The following ESR1 variants were observed in gnomAD, a reference collection of about 807,000 sequenced individuals.
The protein encoded by ESR1 is estrogen receptor 1.
ESR1 carries 12 observed loss-of-function variants against 52.7 expected under a neutral mutation model. The observed-to-expected ratio is 0.23, with a 90% CI of 0.15 to 0.37. The LOEUF is 0.37. ESR1 is among the 10% of genes least tolerant of loss of function. The pLI, the probability that ESR1 is intolerant of heterozygous loss-of-function variation, is 1.00. For missense variants in ESR1, 584 were observed against 779.7 expected (o/e 0.75, Z 2.99); for synonymous variants, 305 against 316.8 (o/e 0.96, Z 0.39).
chr6:152,127,551 G>C (rs1055518505), exon 7 of ESR1: 1 of 152,148 alleles, frequency 6.6e-6, no homozygotes. Context: ...TTTATTAATA[G>C]TGCTTTCAAG....
At chr6:151,789,492 A>G (rs1313589677) in intron 2 of ESR1, among the ~76,000 whole-genome samples, 1 of 152,208 alleles carries the variant, frequency 6.6e-6, no homozygotes, top group East Asian at 1.9e-4. Flanking sequence ...TAAATATTGA[A>G]GGCATTGTTG....
At chr6:151,838,545 ATG>A (rs1783766260) in intron 1 of ESR1, among the ~76,000 whole-genome samples, 2 of 152,164 alleles carry the variant, frequency 1.3e-5, no homozygotes, top group East Asian at 3.9e-4. Context: ...AGAGGAAGTT[ATG>A]TTATCTTGAT....
intron 1 of ESR1, among the ~76,000 whole-genome samples, chr6:151,672,317 C>T (rs774706669): frequency 8.0e-5 from 12 of 149,410 alleles, no homozygotes; most frequent in Non-Finnish European, 1.6e-4. Context: ...CACCACCATG[C>T]CAGGCTAATT....
At chr6:151,825,237 C>T (rs1388400206) in intron 1 of ESR1, among the ~76,000 whole-genome samples, 2 of 152,082 alleles carry the variant, frequency 1.3e-5, no homozygotes, top group African/African-American at 2.4e-5. Context: ...AGAGCTTGAT[C>T]GTGACTCTGG....
chr6:152,122,670 T>A, intron 6 of ESR1: 1 of 1,613,920 alleles, frequency 6.2e-7, no homozygotes, highest in South Asian at 1.1e-5. Context: ...AGCCACCTTT[T>A]GTGGACCTGA....
chr6:152,093,315 C>G (rs1392349098), intron 6 of ESR1, among the ~76,000 whole-genome samples: 3 of 149,314 alleles, frequency 2.0e-5, no homozygotes, highest in Admixed American at 6.6e-5. Flanking sequence ...CTTGTGACTA[C>G]TACCTACTAC....
intron 4 of ESR1, among the ~76,000 whole-genome samples, chr6:151,963,802 T>C (rs1474803935): frequency 6.6e-6 from 1 of 152,242 alleles, no homozygotes; most frequent in Non-Finnish European, 1.5e-5. Flanking sequence ...GGTATTTATA[T>C]AGTTTCAGTG....
intron 1 of ESR1, among the ~76,000 whole-genome samples, chr6:151,828,880 A>G (rs886465447): frequency 1.3e-5 from 2 of 152,336 alleles, no homozygotes; most frequent in Admixed American, 6.5e-5. Context: ...AAAGTAAGCA[A>G]GACTGTTTTC....
intron 3 of ESR1, among the ~76,000 whole-genome samples, chr6:151,907,159 C>A (rs1197073714): frequency 6.6e-6 from 1 of 151,972 alleles, no homozygotes; most frequent in African/African-American, 2.4e-5. Context: ...ATTACTTTGA[C>A]TTTATAATCC....
chr6:151,750,819 GT>G (rs1783847087), intron 2 of ESR1, among the ~76,000 whole-genome samples: 1 of 151,942 alleles, frequency 6.6e-6, no homozygotes, highest in African/African-American at 2.4e-5. Context: ...AAAAAATCAC[GT>G]TCTCACAAAT....
chr6:151,948,738 G>A (rs2035991973), intron 4 of ESR1, among the ~76,000 whole-genome samples: 1 of 151,996 alleles, frequency 6.6e-6, no homozygotes, highest in African/African-American at 2.4e-5. Flanking sequence ...TCCTCTTTCT[G>A]GACATGTCTC....
chr6:152,051,887 C>T (rs1221518206), intron 5 of ESR1, among the ~76,000 whole-genome samples: 1 of 152,166 alleles, frequency 6.6e-6, no homozygotes, highest in Non-Finnish European at 1.5e-5. Flanking sequence ...TTGAGAAAGA[C>T]ACATTGCTGT....
rs1198020981 is a variant in ESR1, at chr6:151,983,010, A to G, written c.1097-28646A>G. On this transcript the variant is annotated intron_variant, in intron 4 of 7. Transcript: ENST00000206249. ...TGAAAGTGTTTCTGATAACTGAGTT[A>G]TCAACTTAAAAATGTAAGTTAATGA... Among the ~76,000 whole-genome samples the G allele has an allele frequency of 2.6e-5, 4 of 152,202 alleles. No individual in the cohort carries two copies. In the East Asian group the frequency reaches 5.8e-4, roughly 22 times the overall value.
At chr6:151,666,790 T>C (rs1777842872) in intron 1 of ESR1, among the ~76,000 whole-genome samples, 1 of 142,846 alleles carries the variant, frequency 7.0e-6, no homozygotes, top group South Asian at 2.3e-4. Context: ...AATGAAGGCA[T>C]GCATGAATGC....
intron 3 of ESR1, among the ~76,000 whole-genome samples, chr6:151,916,702 A>G (rs2030299219): frequency 6.6e-6 from 1 of 152,164 alleles, no homozygotes; most frequent in African/African-American, 2.4e-5. Flanking sequence ...TTTAGGAAAC[A>G]GTCATGCTTG....
intron 2 of ESR1, among the ~76,000 whole-genome samples, chr6:151,744,081 A>T (rs772510030): frequency 8.6e-5 from 13 of 151,908 alleles, no homozygotes; most frequent in Non-Finnish European, 1.8e-4. Flanking sequence ...ATGTGTCAGC[A>T]CCTCATTTCT....
At chr6:152,060,909 G>A (rs2128956977) in intron 5 of ESR1, 82 bp from the exon 6 acceptor site, 3 of 1,145,820 alleles carry the variant, frequency 2.6e-6, no homozygotes, top group South Asian at 1.4e-5. Flanking sequence ...TTTTATGAAT[G>A]TGAACCCTTT....
At chr6:152,072,081 CCCG>C (rs1372397622) in intron 6 of ESR1, among the ~76,000 whole-genome samples, 1 of 142,258 alleles carries the variant, frequency 7.0e-6, no homozygotes, top group East Asian at 2.3e-4. Flanking sequence ...AGACGGCTTC[CCCG>C]CTGCTCAGCC....
chr6:151,670,827 G>C (rs1778030503), intron 1 of ESR1, among the ~76,000 whole-genome samples: 1 of 142,392 alleles, frequency 7.0e-6, no homozygotes, highest in South Asian at 2.3e-4. Flanking sequence ...GGAGTGCAGT[G>C]GCGCAATCTC....
Sources: allele counts gnomAD v4.1 joint callset (sites outside exome capture counted in the v4.1 genomes callset), GRCh38; gene constraint gnomAD v4.1.1; transcripts MANE v1.5; gene names NCBI Gene and HGNC (gene_info 2026-07-23, HGNC 2026-07-21).